ZNF235: variants seen among roughly 807,000 people sequenced by gnomAD.
ZNF235 encodes the protein zfp-93.
ZNF235 carries 25 observed loss-of-function variants against 29.4 expected under a neutral mutation model. That is an observed-to-expected ratio of 0.85 (90% confidence interval 0.62 to 1.19). The LOEUF (loss-of-function observed/expected upper bound fraction) is 1.19. Among genes scored for constraint, ZNF235 ranks in the 50% most tolerant of loss-of-function variants. ZNF235 has a pLI of 0.00. For synonymous variants in ZNF235, 300 were observed against 295.3 expected (o/e 1.02, Z -0.16); for missense variants, 788 against 885.0 (o/e 0.89, Z 1.39).
At position 44,298,866 on chromosome 19, in the gene ZNF235, C is replaced by T; in HGVS notation, c.180G>A (p.Leu60=). ...TCATCCAAAGCTTTTCTTCCCTCTCCAACTGGGATATCATATCTGGTTTGA... is the reference window on the plus strand; with the variant it reads ...TCATCCAAAGCTTTTCTTCCCTCTCTAACTGGGATATCATATCTGGTTTGA... ...QSFKPDMISQ[L]EREEKLWMKE... The change falls in exon 4 of 5, where the codon TTG becomes TTA. Residue 60 remains leucine (L), a synonymous_variant. Transcript: ENST00000291182. 6.2e-7 allele frequency: 1 copy of T among 1,613,960 alleles called. No individual in the cohort carries two copies. Among genetic ancestry groups the T allele is most frequent in the Non-Finnish European group, 8.5e-7 (1 of 1,179,878 alleles).
intron 2 of ZNF235, 152 bp downstream of exon 2, chr19:44,303,238 C>A: frequency 2.2e-6 from 1 of 451,712 alleles, no homozygotes; most frequent in South Asian, 2.7e-5. Context: ...AATTTTTATA[C>A]TATTATATTG....
Position 44,287,600 on chromosome 19 carries a change from G to C in ZNF235, c.1835C>G (p.Ser612Ter). 1.2e-6 allele frequency: 2 copies of C among 1,613,572 alleles called. No individual in the cohort carries two copies. The highest frequency in any genetic ancestry group is 1.7e-6 in the Non-Finnish European group (2 of 1,179,848). ...DACQKRFSQA[S>*]HLQAHQRVHT... ...GACTCTCTGATGGGCTTGAAGGTGTGAGGCCTGACTGAATCGCTTCTGACA... is the reference window on the plus strand; with the variant it reads ...GACTCTCTGATGGGCTTGAAGGTGTCAGGCCTGACTGAATCGCTTCTGACA... Residue 612 changes from serine to a stop codon, truncating the protein, a stop_gained, in exon 5 of 5, where the codon TCA becomes TGA. Transcript: ENST00000291182. LOFTEE classifies it high-confidence loss of function.
intron 2 of ZNF235, among the ~76,000 whole-genome samples, chr19:44,301,570 A>T (rs1418553418): frequency 6.6e-6 from 1 of 151,960 alleles, no homozygotes; most frequent in Non-Finnish European, 1.5e-5. Flanking sequence ...TCCCAGGTTC[A>T]AGCAATTTTC....
At position 44,287,171 on chromosome 19, in the gene ZNF235, G is replaced by C; in HGVS notation, c.*47C>G. ...TCATCAGCATGGACTTCCCAACGGA[G>C]ACAAAGATGTGAGCTCTAACTGAAG... On this transcript the variant is annotated 3_prime_UTR_variant, in exon 5 of 5. Transcript: ENST00000291182. 6.6e-7 allele frequency: 1 copy of C among 1,514,478 alleles called. No individual in the cohort carries two copies. The highest frequency in any genetic ancestry group is 8.8e-7 in the Non-Finnish European group (1 of 1,130,726). 93.8% of individuals were successfully genotyped at this position (1,514,478 alleles called of 1,614,324 possible).
intron 3 of ZNF235, 67 bp downstream of exon 3, chr19:44,299,539 G>A: frequency 6.3e-7 from 1 of 1,586,598 alleles, no homozygotes; most frequent in South Asian, 1.1e-5. Flanking sequence ...AGAATTATCT[G>A]GCCCAAAACA....
In ZNF235 at chr19:44,288,823, T is replaced by C. The variant is rs769830404; in HGVS notation, c.612A>G (p.Lys204=). 1.1e-5 allele frequency: 17 copies of C among 1,612,828 alleles called. No individual in the cohort carries two copies. The East Asian group carries it at 3.3e-4, about 32-fold the overall frequency. Reference sequence around the variant, plus strand: ...ATGGAGCAAATATACATAGTTTGTTTTTCATCTGAGTCTGCTTACAACTTC... The same window carrying C: ...ATGGAGCAAATATACATAGTTTGTTCTTCATCTGAGTCTGCTTACAACTTC... ...YQRSCKQTQM[K]NKLCIFAPYV... Residue 204 remains lysine (K), a synonymous_variant, in exon 5 of 5, where the codon AAA becomes AAG. Coordinates refer to ENST00000291182, the MANE Select transcript of ZNF235 (RefSeq NM_004234.4).
chr19:44,301,436 C>T (rs554386867), intron 2 of ZNF235, among the ~76,000 whole-genome samples: 56 of 151,762 alleles, frequency 3.7e-4, no homozygotes, highest in African/African-American at 1.3e-3. Context: ...GGGACACATA[C>T]ATGTGTAGCA....
At position 44,287,377 on chromosome 19, in the gene ZNF235, C is replaced by T; in HGVS notation, c.2058G>A (p.Gln686=). ...CCTGACTGAAGCCCTTCCCACACTG[C>T]TGACACGTATAGGGTTTCTCTCCTG... The part of the protein sequence containing the change: ...VHTGEKPYTC[Q]QCGKGFSQAS... The change falls in exon 5 of 5, where the codon CAG becomes CAA. Residue 686 remains glutamine, a synonymous_variant. Transcript: ENST00000291182. The T allele has an allele frequency of 6.2e-7, 1 of 1,612,604 alleles. No individual in the cohort carries two copies. Among genetic ancestry groups the T allele is most frequent in the South Asian group, 1.1e-5 (1 of 90,942 alleles).
chr19:44,294,923 C>G (rs1235483972), intron 4 of ZNF235, among the ~76,000 whole-genome samples: 1 of 152,008 alleles, frequency 6.6e-6, no homozygotes. Flanking sequence ...AAACTAGGCA[C>G]AGAAGAAACA....
intron 2 of ZNF235, among the ~76,000 whole-genome samples, chr19:44,302,984 AT>A (rs1599894929): frequency 1.6e-5 from 2 of 122,364 alleles, no homozygotes; most frequent in East Asian, 4.3e-4. Context: ...GTATATATTT[AT>A]ATATAAATAT....
chr19:44,288,801 G>A lies in ZNF235; in HGVS notation c.634C>T (p.Pro212Ser), dbSNP rs1975540769. 1 of 1,613,606 alleles carries A rather than the reference G, an allele frequency of 6.2e-7. No homozygotes were observed. The highest frequency in any genetic ancestry group is 1.3e-5 in the African/African-American group (1 of 75,022). Reference sequence around the variant, plus strand: ...ATACAACTGAAAATGTCAACATATGGAGCAAATATACATAGTTTGTTTTTC... The same window carrying A: ...ATACAACTGAAAATGTCAACATATGAAGCAAATATACATAGTTTGTTTTTC... ...QMKNKLCIFA[P>S]YVDIFSCISH... is the part of the protein sequence containing the mutation. The change falls in exon 5 of 5, where the codon CCA becomes TCA. Residue 212 changes from proline to serine, a missense_variant. Transcript: ENST00000291182.
Position 44,298,798 on chromosome 19 carries a change from C to T in ZNF235, c.238+10G>A, listed in dbSNP as rs1442967969. On this transcript the variant is annotated intron_variant, in intron 4 of 4. Coordinates refer to ENST00000291182, the MANE Select transcript of ZNF235 (RefSeq NM_004234.4). The stretch of plus-strand genomic sequence containing the variant: ...GCTGTTAACTACGATTCCGGCTGCA[C>T]AGTACTCACCTGAATGCTTACCTCT... The T allele has an allele frequency of 6.3e-7, 1 of 1,596,720 alleles. No homozygotes were observed. Among genetic ancestry groups the T allele is most frequent in the East Asian group, 2.2e-5 (1 of 44,770 alleles).
At chr19:44,303,091 T>C (rs1279051275) in intron 2 of ZNF235, among the ~76,000 whole-genome samples, 1 of 88,738 alleles carries the variant, frequency 1.1e-5, no homozygotes, top group Non-Finnish European at 2.1e-5. Context: ...AATACATATA[T>C]ACAAATATAC....
intron 1 of ZNF235, chr19:44,304,694 A>T (rs1448420133): frequency 1.0e-6 from 1 of 983,336 alleles, no homozygotes; most frequent in Non-Finnish European, 1.2e-6. Context: ...GAGATTAAGT[A>T]ACTTGCCCAA....
Position 44,287,688 on chromosome 19 carries a change from C to A in ZNF235, c.1747G>T (p.Ala583Ser). ...CTCTGATGGGCTTGAAGATTTGAAG[C>A]CTGACTGAAACCCTTACCACACTCT... ...CEECGKGFSQ[A>S]SNLQAHQSVH... Residue 583 changes from alanine to serine, a missense_variant, in exon 5 of 5, where the codon GCT (alanine) becomes TCT (serine). By Grantham distance (99) the Ala-to-Ser change is moderately conservative. Coordinates refer to ENST00000291182, the MANE Select transcript of ZNF235 (RefSeq NM_004234.4). 1 of 1,611,766 alleles carries A rather than the reference C, an allele frequency of 6.2e-7. No homozygotes were observed. Among genetic ancestry groups the A allele is most frequent in the Non-Finnish European group, 8.5e-7 (1 of 1,179,182 alleles).
Position 44,287,283 on chromosome 19 carries a change from T to C in ZNF235, c.2152A>G (p.Lys718Glu). The stretch of plus-strand genomic sequence containing the variant: ...AGATGTGACCTCTGACTGAAGCCCT[T>C]ACAACAGACATCACATATGTAAGGC... ...ERPYICDVCCKGFSQRSHLIY... is the reference protein window; with the variant it reads ...ERPYICDVCCEGFSQRSHLIY... Residue 718 changes from lysine to glutamate, a missense_variant, in exon 5 of 5, where the codon AAG becomes GAG. By Grantham distance (56) the Lys-to-Glu change is moderately conservative (BLOSUM62 1). Transcript: ENST00000291182. 1 of 1,613,252 alleles carries C rather than the reference T, an allele frequency of 6.2e-7. No individual in the cohort carries two copies. Among genetic ancestry groups the C allele is most frequent in the South Asian group, 1.1e-5 (1 of 91,032 alleles).
At position 44,288,792 on chromosome 19, in the gene ZNF235, C is replaced by T; in HGVS notation, c.643G>A (p.Asp215Asn). The T allele has an allele frequency of 6.2e-7, 1 of 1,613,720 alleles. No homozygotes were observed. Among genetic ancestry groups the T allele is most frequent in the Non-Finnish European group, 8.5e-7 (1 of 1,179,860 alleles). Residue 215 changes from aspartate to asparagine, a missense_variant, in exon 5 of 5, where the codon GAC becomes AAC. Physicochemically the swap from Asp to Asn is conservative, Grantham distance 23. Transcript: ENST00000291182. Reference protein sequence around the residue: ...NKLCIFAPYVDIFSCISHHHD... With the variant: ...NKLCIFAPYVNIFSCISHHHD... ...TGGTGTGAAATACAACTGAAAATGT[C>T]AACATATGGAGCAAATATACATAGT... is the stretch of plus-strand genomic sequence containing the variant.
At chr19:44,301,350 G>A (rs866745052) in intron 2 of ZNF235, among the ~76,000 whole-genome samples, 2 of 152,136 alleles carry the variant, frequency 1.3e-5, no homozygotes, top group Non-Finnish European at 2.9e-5. Context: ...ATGTGGCAAA[G>A]AGCCATGCAC....
chr19:44,289,938 C>G (rs1232567314), intron 4 of ZNF235: 1 of 152,164 alleles, frequency 6.6e-6, no homozygotes, highest in Non-Finnish European at 1.5e-5. Context: ...CCCTTTCCAA[C>G]AGCTAGTAAA....
Sources: allele counts gnomAD v4.1 joint callset (sites outside exome capture counted in the v4.1 genomes callset), GRCh38; gene constraint gnomAD v4.1.1; transcripts MANE v1.5; gene names NCBI Gene and HGNC (gene_info 2026-07-23, HGNC 2026-07-21).